The following BAHD1 variants were observed in gnomAD, a reference collection of about 807,000 sequenced individuals.
BAHD1 encodes bromo adjacent homology domain containing 1.
A neutral mutation model predicts 63.1 loss-of-function variants in BAHD1; 20 were observed. The ratio of observed to expected loss-of-function variants is 0.32; its 90% CI spans 0.22 to 0.46. The LOEUF is 0.46. Ranked by LOEUF, BAHD1 falls within the 20% of genes least tolerant of loss-of-function variation. The pLI, the probability that BAHD1 is intolerant of heterozygous loss-of-function variation, is 1.00. For synonymous variants in BAHD1, 408 were observed against 426.8 expected, an observed-to-expected ratio of 0.96 and a Z score of 0.54; for missense variants, 939 against 1,071.8, an observed-to-expected ratio of 0.88 and a Z score of 1.73.
intron 1 of BAHD1, among the ~76,000 whole-genome samples, chr15:40,447,950 A>G (rs533426529): frequency 2.0e-5 from 3 of 152,158 alleles, no homozygotes; most frequent in South Asian, 4.1e-4. Flanking sequence ...CTTTTCTAGG[A>G]TATAAAATGT....
At chr15:40,465,264 A>T in intron 5 of BAHD1, 71 bp from the exon 6 acceptor site, 1 of 1,377,926 alleles carries the variant, frequency 7.3e-7, no homozygotes, top group Non-Finnish European at 1.0e-6. Flanking sequence ...CAGAGGGGTT[A>T]ATGTCTGCCT....
intron 1 of BAHD1, among the ~76,000 whole-genome samples, chr15:40,448,151 A>C (rs1271010382): frequency 6.6e-6 from 1 of 151,982 alleles, no homozygotes; most frequent in Non-Finnish European, 1.5e-5. Context: ...CTGAGGCAGG[A>C]GAATCGCTTG....
rs768404480 is a variant in BAHD1, at chr15:40,459,636, G to T, written c.1172G>T (p.Gly391Val). 1 of 1,614,150 alleles carries T rather than the reference G, an allele frequency of 6.2e-7. No individual in the cohort carries two copies. Among genetic ancestry groups the T allele is most frequent in the Admixed American group, 1.7e-5 (1 of 60,030 alleles). Residue 391 changes from glycine to valine, a missense_variant, in exon 2 of 7, where the codon GGG becomes GTG. This residue lies in a region of BAHD1 where 797 missense variants were observed against 813.3 expected (regional missense o/e 0.98). Transcript: ENST00000416165. ...TGTGGCCAAGAGGGGCTGCAGTGTGGGGGCTACTCGCCCTGCCCCATGCTT... is the reference window on the plus strand; with the variant it reads ...TGTGGCCAAGAGGGGCTGCAGTGTGTGGGCTACTCGCCCTGCCCCATGCTT... Reference protein sequence around the residue: ...LYCGQEGLQCGGYSPCPMLPE... With the variant: ...LYCGQEGLQCVGYSPCPMLPE...
intron 1 of BAHD1, chr15:40,443,414 A>C: frequency 4.3e-6 from 3 of 696,190 alleles, no homozygotes; most frequent in Non-Finnish European, 5.3e-6. Flanking sequence ...ATGAATCTCA[A>C]GGCCTTTGTG....
chr15:40,458,679 T>C lies in BAHD1; in HGVS notation c.215T>C (p.Val72Ala), dbSNP rs1893922402. The C allele has an allele frequency of 2.5e-6, 4 of 1,613,782 alleles. No individual in the cohort carries two copies. In the Admixed American group the frequency reaches 6.7e-5, roughly 27 times the overall value. Residue 72 changes from valine (V) to alanine (A), a missense_variant, in exon 2 of 7, where the codon GTG (valine) becomes GCG (alanine). Physicochemically the swap from Val to Ala is moderately conservative, Grantham distance 64 (BLOSUM62 0). Coordinates refer to ENST00000416165, the MANE Select transcript of BAHD1 (RefSeq NM_014952.5). This position sits in a 1 kb window ranked among gnomAD's most constrained non-coding sequence, Gnocchi z 4.7. ...CCTGAGAAGCCCAAGGCCTGCAAAG[T>C]GCTGCTGACTCGCCTGGAGAATGTG... is the stretch of plus-strand genomic sequence containing the variant. ...LVPEKPKACKVLLTRLENVAG... is the reference protein window; with the variant it reads ...LVPEKPKACKALLTRLENVAG...
Position 40,464,508 on chromosome 15 carries a change from T to C in BAHD1, c.2013T>C (p.Pro671=). Residue 671 remains proline (P), a synonymous_variant, in exon 5 of 7, where the codon CCT becomes CCC. Transcript: ENST00000416165. ...LMMSLLWYYR[P]EHLQGGRSPS... is the part of the protein sequence containing the mutation. The stretch of plus-strand genomic sequence containing the variant: ...TGAGCCTCCTGTGGTATTACAGACC[T>C]GAGCACTTACAGGGAGGCCGCAGTC... 2 of 1,613,680 alleles carry C rather than the reference T, an allele frequency of 1.2e-6. No homozygotes were observed. Among genetic ancestry groups the C allele is most frequent in the Non-Finnish European group, 1.7e-6 (2 of 1,179,840 alleles).
In BAHD1 at chr15:40,468,233, AG is replaced by A. The variant is rs1385650215; in HGVS notation, c.*2105del. The A allele has an allele frequency of 1.3e-5, 2 of 152,502 alleles. No homozygotes were observed. Among genetic ancestry groups the A allele is most frequent in the Non-Finnish European group, 2.9e-5 (2 of 68,044 alleles). The allele number at this position is 152,502 out of a possible 1,614,324, so 9.4% of individuals were successfully genotyped here. ...TTGAGAAATTGTATTGATTTAGAAAAGGATCGTTTCCTGTGTGTCCTGTCAT... is the reference window on the plus strand; with the variant it reads ...TTGAGAAATTGTATTGATTTAGAAAAGATCGTTTCCTGTGTGTCCTGTCAT... On this transcript the variant is annotated 3_prime_UTR_variant, in exon 7 of 7. Transcript: ENST00000416165.
intron 4 of BAHD1, 46 bp downstream of exon 4, chr15:40,464,066 CAGAACTGT>C: frequency 1.9e-6 from 3 of 1,601,298 alleles, no homozygotes; most frequent in Non-Finnish European, 2.6e-6. Flanking sequence ...CTGCCTTCAG[CAGAACTGT>C]AGTCCCCAGA....
chr15:40,458,955 G>T lies in BAHD1; in HGVS notation c.491G>T (p.Trp164Leu), dbSNP rs373155655. 35 of 1,589,548 alleles carry T rather than the reference G, an allele frequency of 2.2e-5. No individual in the cohort carries two copies. The highest frequency in any genetic ancestry group is 2.6e-5 in the Non-Finnish European group (30 of 1,165,962). ...GACCGTGATCGTGCTACTGGGGGCT[G>T]GTCCTCCTCCAAGAAGCGGCCCCGG... ...SRDRDRATGG[W>L]SSSKKRPRLG... is the part of the protein sequence containing the mutation. Residue 164 changes from tryptophan (W) to leucine (L), a missense_variant, in exon 2 of 7, where the codon TGG becomes TTG. Physicochemically the swap from Trp to Leu is moderately conservative, Grantham distance 61 (BLOSUM62 -2). This residue lies in a region of BAHD1 where 797 missense variants were observed against 813.3 expected (regional missense o/e 0.98). Coordinates refer to ENST00000416165, the MANE Select transcript of BAHD1 (RefSeq NM_014952.5). This position sits in a 1 kb window ranked among gnomAD's most constrained non-coding sequence, Gnocchi z 4.7.
chr15:40,459,383 C>A lies in BAHD1; in HGVS notation c.919C>A (p.Pro307Thr). The change falls in exon 2 of 7, where the codon CCT becomes ACT. Residue 307 changes from proline to threonine, a missense_variant. By Grantham distance (38) the Pro-to-Thr change is conservative. This residue lies in a region of BAHD1 where 797 missense variants were observed against 813.3 expected (regional missense o/e 0.98). Transcript: ENST00000416165. ...HQPLSKALES[P>T]LGLRPHLPLL... ...GCCCCTGAGCAAGGCTCTGGAGAGC[C>A]CTTTGGGGCTGCGCCCTCACCTGCC... The A allele has an allele frequency of 6.2e-7, 1 of 1,612,568 alleles. No homozygotes were observed. The highest frequency in any genetic ancestry group is 8.5e-7 in the Non-Finnish European group (1 of 1,179,686).
chr15:40,449,503 G>A lies in BAHD1; in HGVS notation c.-15+8235G>A, dbSNP rs919289122. 2.6e-5 allele frequency among the ~76,000 whole-genome samples: 4 copies of A among 152,104 alleles called. No individual in the cohort carries two copies. The South Asian group carries it at 6.2e-4, about 24-fold the overall frequency. ...AGGTAGCTGGGCAACTTGGGAGAGA[G>A]AAGGAGGAGGATGAGGCCAGGCATG... On this transcript the variant is annotated intron_variant, in intron 1 of 6. Coordinates refer to ENST00000416165, the MANE Select transcript of BAHD1 (RefSeq NM_014952.5).
chr15:40,447,635 T>C (rs1205403990), intron 1 of BAHD1, among the ~76,000 whole-genome samples: 1 of 151,608 alleles, frequency 6.6e-6, no homozygotes, highest in Non-Finnish European at 1.5e-5. Flanking sequence ...ATTGAATAAC[T>C]GAGAGATGAT....
chr15:40,448,795 A>C (rs552561803), intron 1 of BAHD1, among the ~76,000 whole-genome samples: 17 of 151,090 alleles, frequency 1.1e-4, no homozygotes, highest in African/African-American at 3.9e-4. Flanking sequence ...TCTAGGTTAC[A>C]GGTGTGAGCC....
chr15:40,459,497 C>T lies in BAHD1; in HGVS notation c.1033C>T (p.Pro345Ser), dbSNP rs1203840683. ...SPAPKQELHQPSFPTPQLSPL... is the reference protein window; with the variant it reads ...SPAPKQELHQSSFPTPQLSPL... ...TGCCCCTAAGCAGGAACTGCATCAG[C>T]CCTCTTTCCCCACACCTCAGCTGTC... Residue 345 changes from proline (P) to serine (S), a missense_variant, in exon 2 of 7, where the codon CCC (proline) becomes TCC (serine). Coordinates refer to ENST00000416165, the MANE Select transcript of BAHD1 (RefSeq NM_014952.5). 2 of 1,614,084 alleles carry T rather than the reference C, an allele frequency of 1.2e-6. No homozygotes were observed. Among genetic ancestry groups the T allele is most frequent in the South Asian group, 2.2e-5 (2 of 91,090 alleles).
At position 40,466,233 on chromosome 15, in the gene BAHD1, G is replaced by T; in HGVS notation, c.*103G>T. On this transcript the variant is annotated 3_prime_UTR_variant, in exon 7 of 7. Transcript: ENST00000416165. ...TGGTTAGGGGGCCACAGAGGCCTAAGTTTGCTGGCCTGTGGTTTTCTTGGG... is the reference window on the plus strand; with the variant it reads ...TGGTTAGGGGGCCACAGAGGCCTAATTTTGCTGGCCTGTGGTTTTCTTGGG... 1.5e-5 allele frequency: 15 copies of T among 1,024,802 alleles called. No individual in the cohort carries two copies. Among genetic ancestry groups the T allele is most frequent in the Non-Finnish European group, 1.9e-5 (14 of 734,100 alleles). The allele number at this position is 1,024,802 out of a possible 1,614,324, so 63.5% of individuals were successfully genotyped here.
At chr15:40,438,722 G>A (rs956920842), upstream of BAHD1, among the ~76,000 whole-genome samples, 11 of 152,102 alleles carry the variant, frequency 7.2e-5, no homozygotes, top group Admixed American at 3.9e-4. Context: ...CTGCCACCTC[G>A]TCCTGCTGCC....
upstream of BAHD1, among the ~76,000 whole-genome samples, chr15:40,437,849 T>C (rs1893308520): frequency 6.6e-6 from 1 of 152,188 alleles, no homozygotes; most frequent in Non-Finnish European, 1.5e-5. Context: ...GCAGCCAGTC[T>C]GTCCCGGCTG....
chr15:40,462,229 C>G lies in BAHD1; in HGVS notation c.1750C>G (p.Arg584Gly). 1 of 1,611,254 alleles carries G rather than the reference C, an allele frequency of 6.2e-7. No individual in the cohort carries two copies. Among genetic ancestry groups the G allele is most frequent in the Non-Finnish European group, 8.5e-7 (1 of 1,178,932 alleles). Reference sequence around the variant, plus strand: ...CCAGCGCCCACGCCCTCGCCGCCGCCGTCGCCGCCGCACTAATGGCTGGGT... The same window carrying G: ...CCAGCGCCCACGCCCTCGCCGCCGCGGTCGCCGCCGCACTAATGGCTGGGT... ...RVQRPRPRRR[R>G]RRRTNGWVPV... The change falls in exon 3 of 7, where the codon CGT becomes GGT. Residue 584 changes from arginine (R) to glycine (G), a missense_variant. By Grantham distance (125) the Arg-to-Gly change is moderately radical. Coordinates refer to ENST00000416165, the MANE Select transcript of BAHD1 (RefSeq NM_014952.5).
Position 40,441,029 on chromosome 15 carries a change from CCCCGCCCGTCCGGCCCCCGCCGTCCG to C in BAHD1, c.-246_-221del, listed in dbSNP as rs1286881693. 2.7e-5 allele frequency among the ~76,000 whole-genome samples: 4 copies of C among 146,856 alleles called. No homozygotes were observed. ...CGCCGCCCGCCCGTCCGGCTGCCTG[CCCCGCCCGTCCGGCCCCCGCCGTCCG>C]CCCGCCCCGGCCAGGCGCGCCCGCC... On this transcript the variant is annotated 5_prime_UTR_variant, in exon 1 of 7. Coordinates refer to ENST00000416165, the MANE Select transcript of BAHD1 (RefSeq NM_014952.5).
Sources: allele counts gnomAD v4.1 joint callset (sites outside exome capture counted in the v4.1 genomes callset), GRCh38; gene constraint gnomAD v4.1.1; regional missense constraint gnomAD v4.1.1; non-coding constraint Gnocchi (gnomAD v3.1); transcripts MANE v1.5; gene names NCBI Gene and HGNC (gene_info 2026-07-23, HGNC 2026-07-21).